The following CACNA1C variants were observed in gnomAD, a reference collection of about 807,000 sequenced individuals.
The protein encoded by CACNA1C is voltage-dependent L-type calcium channel subunit alpha-1C.
A neutral mutation model predicts 229.0 loss-of-function variants in CACNA1C; 30 were observed. That is an observed-to-expected ratio of 0.13 (90% CI 0.10 to 0.18). The LOEUF (loss-of-function observed/expected upper bound fraction) is 0.18, where lower values mean the gene tolerates loss of function less well. Among genes scored for constraint, CACNA1C ranks in the 10% least tolerant of loss-of-function variants. CACNA1C has a pLI of 1.00. For missense variants in CACNA1C, 1,658 were observed against 2,845.0 expected (o/e 0.58, Z 9.49); for synonymous variants, 1,114 against 1,132.5 (o/e 0.98, Z 0.33).
intron 3 of CACNA1C, among the ~76,000 whole-genome samples, chr12:2,233,061 T>TA (rs1199339153): frequency 1.3e-5 from 2 of 152,200 alleles, no homozygotes; most frequent in Non-Finnish European, 2.9e-5. Context: ...AGAGTGGTAG[T>TA]ATGTGAAAAC....
At chr12:2,004,973 C>A (rs9795746) in intron 1 of CACNA1C, among the ~76,000 whole-genome samples, 39,734 of 140,730 alleles carry the variant, frequency 0.28, 5,501 homozygotes, top group African/African-American at 0.37. Flanking sequence ...AAAAAAAAAA[C>A]AAAACCTTTT....
At chr12:2,066,880 C>T (rs7310785) in intron 1 of CACNA1C, among the ~76,000 whole-genome samples, 6,202 of 151,702 alleles carry the variant, frequency 0.041, 182 homozygotes, top group Middle Eastern at 0.075. Flanking sequence ...GGAGGGGCCT[C>T]GGGCAGGGGT....
chr12:2,206,354 A>C (rs750531908), intron 3 of CACNA1C, among the ~76,000 whole-genome samples: 16 of 152,220 alleles, frequency 1.1e-4, no homozygotes, highest in Non-Finnish European at 2.1e-4. Flanking sequence ...ATGGCAGAGC[A>C]TGGGAAGTGG....
Position 2,334,839 on chromosome 12 carries a change from C to T in CACNA1C, c.478-114137C>T, listed in dbSNP as rs1393836368. Reference sequence around the variant, plus strand: ...CCATCAACTCTTGGCAATTTATTTCCCTCCTAAATTAGATAGAAATGTCAT... The same window carrying T: ...CCATCAACTCTTGGCAATTTATTTCTCTCCTAAATTAGATAGAAATGTCAT... On this transcript the variant is annotated intron_variant, in intron 3 of 46. Coordinates refer to ENST00000399655, the MANE Select transcript of CACNA1C (RefSeq NM_000719.7). Among the ~76,000 whole-genome samples the T allele has an allele frequency of 2.6e-5, 4 of 152,092 alleles. No individual in the cohort carries two copies. In the East Asian group the frequency reaches 7.7e-4, roughly 29 times the overall value.
chr12:2,275,269 C>T lies in CACNA1C; in HGVS notation c.477+154839C>T, dbSNP rs1218814996. ...TGATCTTTCTTTCCTTTGCCCAATA[C>T]ATGTCAGGCTCTGTGTGGCAAGGGC... On this transcript the variant is annotated intron_variant, in intron 3 of 46. Coordinates refer to ENST00000399655, the MANE Select transcript of CACNA1C (RefSeq NM_000719.7). This position sits in a 1 kb window ranked among gnomAD's most constrained non-coding sequence, Gnocchi z 4.1. 6.6e-6 allele frequency among the ~76,000 whole-genome samples: 1 copy of T among 152,196 alleles called. No individual in the cohort carries two copies. Among genetic ancestry groups the T allele is most frequent in the Non-Finnish European group, 1.5e-5 (1 of 68,046 alleles).
At chr12:2,391,872 G>A (rs1248661431) in intron 3 of CACNA1C, among the ~76,000 whole-genome samples, 1 of 152,208 alleles carries the variant, frequency 6.6e-6, no homozygotes, top group African/African-American at 2.4e-5. Flanking sequence ...GTAAAGTTCA[G>A]TTCCTCAGTG....
chr12:2,172,142 T>C (rs2096508394), intron 3 of CACNA1C, among the ~76,000 whole-genome samples: 1 of 152,228 alleles, frequency 6.6e-6, no homozygotes, highest in African/African-American at 2.4e-5. Flanking sequence ...CCCTAACGAC[T>C]GCAGTCTAAT....
chr12:2,248,840 G>T (rs1484785093), intron 3 of CACNA1C, among the ~76,000 whole-genome samples: 4 of 152,206 alleles, frequency 2.6e-5, no homozygotes, highest in Non-Finnish European at 5.9e-5. Context: ...CTGGGACCTT[G>T]AGCAAGTTAT....
At chr12:2,196,108 A>G (rs1186141967) in intron 3 of CACNA1C, among the ~76,000 whole-genome samples, 1 of 152,138 alleles carries the variant, frequency 6.6e-6, no homozygotes, top group Non-Finnish European at 1.5e-5. Context: ...TGCTTTAGAG[A>G]TTATGATGTA....
chr12:2,494,964 A>G (rs1378783032), intron 7 of CACNA1C, among the ~76,000 whole-genome samples: 6 of 152,156 alleles, frequency 3.9e-5, no homozygotes, highest in African/African-American at 1.4e-4. Context: ...GTCCAGTCCA[A>G]TTATCTCAGT....
chr12:2,580,682 C>T (rs570361250), intron 13 of CACNA1C, among the ~76,000 whole-genome samples: 8 of 152,260 alleles, frequency 5.3e-5, no homozygotes, highest in South Asian at 2.1e-4. Flanking sequence ...TTCCCAGGAT[C>T]GCTGTATTTA....
chr12:2,261,629 A>G (rs2080251563), intron 3 of CACNA1C, among the ~76,000 whole-genome samples: 1 of 152,258 alleles, frequency 6.6e-6, no homozygotes, highest in African/African-American at 2.4e-5. Flanking sequence ...AACACCTTGC[A>G]TATGGTAATC....
chr12:2,319,832 C>T lies in CACNA1C; in HGVS notation c.478-129144C>T, dbSNP rs992791592. 2.0e-5 allele frequency among the ~76,000 whole-genome samples: 3 copies of T among 152,070 alleles called. No homozygotes were observed. Among genetic ancestry groups the T allele is most frequent in the Admixed American group, 6.5e-5 (1 of 15,276 alleles). ...GAAAGAGCCTGCCAGGTATCCCCTT[C>T]TAGCAGGAGGGGCCCCCAGACATTT... On this transcript the variant is annotated intron_variant, in intron 3 of 46. Transcript: ENST00000399655. The surrounding 1 kb of genome is among the most constrained non-coding windows in gnomAD (Gnocchi z 4.0).
At chr12:2,228,310 T>C (rs2063635263) in intron 3 of CACNA1C, among the ~76,000 whole-genome samples, 1 of 152,236 alleles carries the variant, frequency 6.6e-6, no homozygotes, top group Non-Finnish European at 1.5e-5. Context: ...ACTCTTTTAA[T>C]TAATATGATT....
chr12:2,083,698 G>A (rs771766059), intron 1 of CACNA1C, among the ~76,000 whole-genome samples: 6 of 152,212 alleles, frequency 3.9e-5, no homozygotes, highest in Non-Finnish European at 8.8e-5. Context: ...GTGCTTGGAG[G>A]ATGTTTTGTG....
intron 3 of CACNA1C, among the ~76,000 whole-genome samples, chr12:2,130,264 G>A (rs924429903): frequency 4.5e-5 from 6 of 133,344 alleles, no homozygotes; most frequent in Non-Finnish European, 9.6e-5. Flanking sequence ...CCAGCTTTGC[G>A]TTTATTAGCA....
chr12:2,470,150 A>G (rs1266237914), intron 5 of CACNA1C, among the ~76,000 whole-genome samples: 1 of 152,212 alleles, frequency 6.6e-6, no homozygotes, highest in Non-Finnish European at 1.5e-5. Context: ...CACAGCCCAG[A>G]GGTGGGAGAG....
intron 1 of CACNA1C, among the ~76,000 whole-genome samples, chr12:2,044,623 T>G (rs1161057500): frequency 2.6e-5 from 4 of 152,206 alleles, no homozygotes; most frequent in Admixed American, 6.5e-5. Context: ...CTATATTCTT[T>G]TAGATTTCAG....
At chr12:2,035,791 T>A (rs1415502561) in intron 1 of CACNA1C, among the ~76,000 whole-genome samples, 1 of 152,276 alleles carries the variant, frequency 6.6e-6, no homozygotes. Context: ...TGTCCTATTT[T>A]AAAATATCTC....
Sources: gnomAD v4.1 joint callset for allele counts (sites outside exome capture counted in the v4.1 genomes callset) on GRCh38, gnomAD v4.1.1 for gene constraint, Gnocchi (gnomAD v3.1) non-coding constraint, MANE v1.5 for transcripts, NCBI Gene and HGNC (gene_info 2026-07-23, HGNC 2026-07-21) for gene names.